COG5: variants seen among roughly 807,000 people sequenced by gnomAD.
COG5 encodes component of oligomeric golgi complex 5.
A neutral mutation model predicts 110.4 loss-of-function variants in COG5; 86 were observed. The ratio of observed to expected loss-of-function variants is 0.78; its 90% CI spans 0.65 to 0.93. COG5 has a LOEUF of 0.93. Ranked by LOEUF, COG5 falls within the 40% of genes least tolerant of loss-of-function variation. The pLI, the probability that COG5 is intolerant of heterozygous loss-of-function variation, is 0.00. For synonymous variants in COG5, 360 were observed against 334.6 expected (o/e 1.08, Z -0.83); for missense variants, 1,077 against 987.0 (o/e 1.09, Z -1.22).
At chr7:107,346,566 A>G (rs2129038834) in intron 10 of COG5, among the ~76,000 whole-genome samples, 1 of 152,318 alleles carries the variant, frequency 6.6e-6, no homozygotes, top group South Asian at 2.1e-4. Context: ...GGAAATAAAG[A>G]GAAAAACCAA....
rs1441221506 is a variant in COG5, at chr7:107,248,491, A to C, written c.1758T>G (p.His586Gln). ...GTTGCACAGCATTTTCCATAAGAGC[A>C]TGAATAGCCTAAAAAAAAAAAAGAA... ...QTIISALKAI[H>Q]ALMENAVQPL... Residue 586 changes from histidine (H) to glutamine (Q), a missense_variant, in exon 17 of 22, where the codon CAT becomes CAG. Physicochemically the swap from His to Gln is conservative, Grantham distance 24. Transcript: ENST00000297135. 2.5e-6 allele frequency: 4 copies of C among 1,593,234 alleles called. No individual in the cohort carries two copies. The East Asian group carries it at 8.9e-5, about 36-fold the overall frequency.
At chr7:107,253,432 T>TAG (rs1369066140) in intron 16 of COG5, among the ~76,000 whole-genome samples, 2 of 152,076 alleles carry the variant, frequency 1.3e-5, no homozygotes, top group Non-Finnish European at 2.9e-5. Flanking sequence ...TTCCTTTATA[T>TAG]AGAACATCAA....
chr7:107,509,605 C>T, intron 6 of COG5, among the ~76,000 whole-genome samples: 1 of 152,066 alleles, frequency 6.6e-6, no homozygotes, highest in Non-Finnish European at 1.5e-5. Flanking sequence ...GTCAGATTCA[C>T]CAAAGTTGAA....
chr7:107,443,320 T>A (rs1794830550), intron 6 of COG5, among the ~76,000 whole-genome samples: 1 of 152,178 alleles, frequency 6.6e-6, no homozygotes, highest in African/African-American at 2.4e-5. Context: ...TGAAACAGAA[T>A]ATTTGTTCTA....
chr7:107,279,472 T>C (rs1390418571), intron 14 of COG5, among the ~76,000 whole-genome samples: 1 of 152,140 alleles, frequency 6.6e-6, no homozygotes, highest in African/African-American at 2.4e-5. Context: ...GACTTACAAT[T>C]TGGCTATTTT....
At position 107,202,036 on chromosome 7, in the gene COG5, T is replaced by C. The variant is rs914259199; in HGVS notation, c.*1480A>G. ...ACCTGCTGCAGTTACCATGGCATGC[T>C]GAGTTGATGCACCAGGTGGCAGCAG... On this transcript the variant is annotated 3_prime_UTR_variant, in exon 22 of 22. Coordinates refer to ENST00000297135, the MANE Select transcript of COG5 (RefSeq NM_006348.5). 3 of 152,680 alleles carry C rather than the reference T, an allele frequency of 2.0e-5. No homozygotes were observed. The highest frequency in any genetic ancestry group is 7.2e-5 in the African/African-American group (3 of 41,446). The allele number at this position is 152,680 out of a possible 1,614,324, so 9.5% of individuals were successfully genotyped here. A position where few individuals can be genotyped will look rare whatever the true frequency, so the allele number is the denominator to read the frequency against.
chr7:107,328,014 G>A (rs745445719), intron 10 of COG5, among the ~76,000 whole-genome samples: 7 of 152,174 alleles, frequency 4.6e-5, no homozygotes, highest in South Asian at 2.1e-4. Context: ...ATTCATAAAA[G>A]CCAAGAGATG....
rs192808830 is a variant in COG5, at chr7:107,352,341, C to A, written c.1026+9692G>T. On this transcript the variant is annotated intron_variant, in intron 10 of 21. Transcript: ENST00000297135. Reference sequence around the variant, plus strand: ...GGGAGGGATAGCATTAGGAGATATACCTAATGCTAATTGACAAGTTAATGG... The same window carrying A: ...GGGAGGGATAGCATTAGGAGATATAACTAATGCTAATTGACAAGTTAATGG... Among the ~76,000 whole-genome samples, 1,316 of 148,868 alleles carry A rather than the reference C, an allele frequency of 8.8e-3. 20 individuals carry two copies. The highest frequency in any genetic ancestry group is 0.031 in the African/African-American group (1,257 of 40,384).
At chr7:107,323,556 A>C (rs1809495273) in intron 11 of COG5, among the ~76,000 whole-genome samples, 1 of 152,122 alleles carries the variant, frequency 6.6e-6, no homozygotes. Flanking sequence ...AAAGAAAACG[A>C]AACACTACAA....
intron 6 of COG5, among the ~76,000 whole-genome samples, chr7:107,415,457 T>C (rs552363475): frequency 7.2e-5 from 11 of 152,188 alleles, no homozygotes; most frequent in African/African-American, 2.2e-4. Context: ...ATTACACATG[T>C]ATAACTTCCA....
chr7:107,362,013 A>G lies in COG5; in HGVS notation c.1026+20T>C. ...TGTTTTGTACAAGAAAGATGTAAAA[A>G]TATTTTCCTTTAAACATACCTTAAC... On this transcript the variant is annotated intron_variant, in intron 10 of 21. Transcript: ENST00000297135. 6.6e-7 allele frequency: 1 copy of G among 1,509,844 alleles called. No homozygotes were observed. Among genetic ancestry groups the G allele is most frequent in the Non-Finnish European group, 9.2e-7 (1 of 1,092,486 alleles). 93.5% of individuals were successfully genotyped at this position (1,509,844 alleles called of 1,614,324 possible).
intron 17 of COG5, among the ~76,000 whole-genome samples, chr7:107,238,189 C>T (rs1352337335): frequency 1.3e-5 from 2 of 152,154 alleles, no homozygotes; most frequent in African/African-American, 4.8e-5. Context: ...CCATTCTACT[C>T]TCTGTTTCTA....
At chr7:107,541,944 A>T (rs1045381491) in intron 5 of COG5, among the ~76,000 whole-genome samples, 3 of 151,750 alleles carry the variant, frequency 2.0e-5, no homozygotes, top group Non-Finnish European at 1.5e-5. Context: ...AAGAAAAAAA[A>T]AAAAAAACTA....
chr7:107,499,742 G>C (rs1029520701), intron 6 of COG5, among the ~76,000 whole-genome samples: 2 of 152,120 alleles, frequency 1.3e-5, no homozygotes, highest in Non-Finnish European at 2.9e-5. Context: ...GAATGTTAAA[G>C]AGGGAACTGG....
intron 6 of COG5, among the ~76,000 whole-genome samples, chr7:107,440,942 G>T (rs1395295153): frequency 2.6e-5 from 4 of 152,064 alleles, no homozygotes; most frequent in African/African-American, 9.7e-5. Context: ...TCTGAGCTCT[G>T]TGAGTTGTTC....
chr7:107,414,002 TC>T (rs1168054667), intron 6 of COG5, among the ~76,000 whole-genome samples: 1 of 152,104 alleles, frequency 6.6e-6, no homozygotes, highest in Non-Finnish European at 1.5e-5. Flanking sequence ...CAGTAGATAA[TC>T]CCAGGCCTCA....
intron 11 of COG5, among the ~76,000 whole-genome samples, chr7:107,316,657 C>CAAAAAAAAAAAAAAA (rs760555445): frequency 1.3e-5 from 1 of 75,906 alleles, no homozygotes. Flanking sequence ...ACTAAAAATA[C>CAAAAAAAAAAAAAAA]AAAAAAAAAA....
intron 8 of COG5, among the ~76,000 whole-genome samples, chr7:107,364,067 T>C (rs1463540403): frequency 6.6e-6 from 1 of 152,198 alleles, no homozygotes; most frequent in Non-Finnish European, 1.5e-5. Flanking sequence ...AGGAGCACTC[T>C]GGCATATGCC....
intron 19 of COG5, among the ~76,000 whole-genome samples, chr7:107,222,474 G>T (rs1348204733): frequency 2.0e-5 from 3 of 152,162 alleles, no homozygotes; most frequent in Admixed American, 2.0e-4. Context: ...AAAGTGCTGG[G>T]ATTACAGGCG....
Sources: allele counts gnomAD v4.1 joint callset (sites outside exome capture counted in the v4.1 genomes callset), GRCh38; gene constraint gnomAD v4.1.1; transcripts MANE v1.5; gene names NCBI Gene and HGNC (gene_info 2026-07-23, HGNC 2026-07-21).